The following RAB3IP variants were observed in gnomAD, a reference collection of about 807,000 sequenced individuals.
The protein encoded by RAB3IP is RAB3A interacting protein, also known as rab-3A-interacting protein.
A neutral mutation model predicts 59.1 loss-of-function variants in RAB3IP; 36 were observed. The ratio of observed to expected loss-of-function variants is 0.61; its 90% CI spans 0.47 to 0.80. The LOEUF is 0.80. RAB3IP is among the 30% of genes least tolerant of loss of function. The pLI is 0.00. For synonymous variants in RAB3IP, 207 were observed against 191.2 expected (o/e 1.08, Z -0.68); for missense variants, 511 against 536.0 (o/e 0.95, Z 0.46).
At chr12:69,773,407 T>C (rs1403462794) in intron 3 of RAB3IP, among the ~76,000 whole-genome samples, 3 of 135,634 alleles carry the variant, frequency 2.2e-5, no homozygotes, top group African/African-American at 8.2e-5. Flanking sequence ...TTCTTTTTTT[T>C]TTTTTTTTTT....
intron 6 of RAB3IP, among the ~76,000 whole-genome samples, chr12:69,797,326 G>GT (rs1355157791): frequency 1.3e-5 from 2 of 152,202 alleles, no homozygotes; most frequent in African/African-American, 2.4e-5. Flanking sequence ...GTCTTGCACA[G>GT]TTGTGAGGAT....
At chr12:69,794,942 A>T (rs1383333007) in intron 5 of RAB3IP, among the ~76,000 whole-genome samples, 199 bp from the exon 6 acceptor site, 2 of 152,216 alleles carry the variant, frequency 1.3e-5, no homozygotes, top group East Asian at 3.8e-4. Context: ...GGCTCATTTG[A>T]CGTTGTTAAT....
At chr12:69,771,283 C>T (rs1873064136) in intron 3 of RAB3IP, among the ~76,000 whole-genome samples, 1 of 152,176 alleles carries the variant, frequency 6.6e-6, no homozygotes, top group African/African-American at 2.4e-5. Context: ...GTAATCCCAG[C>T]ACTTTGGAAG....
At position 69,795,039 on chromosome 12, in the gene RAB3IP, T is replaced by G. The variant is rs554692195; in HGVS notation, c.685-102T>G. 38 of 845,748 alleles carry G rather than the reference T, an allele frequency of 4.5e-5. No homozygotes were observed. In the African/African-American group the frequency reaches 5.8e-4, roughly 13 times the overall value. 52.4% of individuals were successfully genotyped at this position (845,748 alleles called of 1,614,324 possible). On this transcript the variant is annotated intron_variant, in intron 5 of 10. Transcript: ENST00000247833. ...CTCCACAGGAAATACAAATTAAACT[T>G]ACTTTTCATCTTTGAAAGTGTTTTG...
At chr12:69,758,395 G>T (rs1415393464) in intron 3 of RAB3IP, among the ~76,000 whole-genome samples, 1 of 151,758 alleles carries the variant, frequency 6.6e-6, no homozygotes, top group African/African-American at 2.4e-5. Flanking sequence ...TTTCCCTTTT[G>T]TATCCTTTCT....
At chr12:69,769,277 C>A (rs1872727463) in intron 3 of RAB3IP, among the ~76,000 whole-genome samples, 1 of 152,142 alleles carries the variant, frequency 6.6e-6, no homozygotes, top group South Asian at 2.1e-4. Flanking sequence ...TGCTTTTGGT[C>A]CTGGATTTGG....
intron 8 of RAB3IP, among the ~76,000 whole-genome samples, chr12:69,808,455 T>G (rs1879837374): frequency 6.6e-6 from 1 of 152,236 alleles, no homozygotes; most frequent in Non-Finnish European, 1.5e-5. Context: ...TTGTTAACTT[T>G]CTGTCTCGTT....
chr12:69,800,715 A>T (rs1878243415), intron 7 of RAB3IP, among the ~76,000 whole-genome samples: 1 of 152,194 alleles, frequency 6.6e-6, no homozygotes, highest in African/African-American at 2.4e-5. Context: ...CTAATTTTTT[A>T]TCTTTAAAAC....
At chr12:69,797,480 T>TC (rs200242324) in intron 6 of RAB3IP, among the ~76,000 whole-genome samples, 37 of 127,766 alleles carry the variant, frequency 2.9e-4, no homozygotes, top group Non-Finnish European at 5.5e-4. Context: ...TTTCTTTCTT[T>TC]TTTTTTTTTT....
At chr12:69,788,591 A>G (rs1393848210) in intron 4 of RAB3IP, among the ~76,000 whole-genome samples, 2 of 152,158 alleles carry the variant, frequency 1.3e-5, no homozygotes, top group Non-Finnish European at 2.9e-5. Flanking sequence ...AGGCTGATAC[A>G]GTAATACATT....
intron 3 of RAB3IP, among the ~76,000 whole-genome samples, chr12:69,772,259 T>G (rs1433733182): frequency 1.3e-5 from 2 of 152,228 alleles, no homozygotes; most frequent in Non-Finnish European, 2.9e-5. Context: ...TTTTTCAATT[T>G]GCATTGAATG....
At chr12:69,767,328 A>T (rs898797219) in intron 3 of RAB3IP, among the ~76,000 whole-genome samples, 10 of 152,334 alleles carry the variant, frequency 6.6e-5, no homozygotes, top group South Asian at 4.1e-4. Context: ...TATTGATAAG[A>T]GTCAGCTGTA....
chr12:69,814,481 CT>C lies in RAB3IP; in HGVS notation c.1301-881del, dbSNP rs559800183. ...TAAATCTAAAGCAGAATTTCTCGAC[CT>C]TGGTACTAGTGACATTTTGAGCTGG... On this transcript the variant is annotated intron_variant, in intron 10 of 10. Coordinates refer to ENST00000247833, the MANE Select transcript of RAB3IP (RefSeq NM_022456.5). 3.6e-4 allele frequency among the ~76,000 whole-genome samples: 55 copies of C among 152,072 alleles called. No individual in the cohort carries two copies. In the South Asian group the frequency reaches 0.011, roughly 30 times the overall value.
intron 3 of RAB3IP, among the ~76,000 whole-genome samples, chr12:69,782,409 C>T (rs1374365032): frequency 6.6e-6 from 1 of 152,168 alleles, no homozygotes; most frequent in Non-Finnish European, 1.5e-5. Context: ...GTGATCCGCC[C>T]ACCTCAGCCT....
At chr12:69,775,354 G>A (rs1873736854) in intron 3 of RAB3IP, among the ~76,000 whole-genome samples, 1 of 141,836 alleles carries the variant, frequency 7.1e-6, no homozygotes, top group South Asian at 2.4e-4. Context: ...CATGTCATCT[G>A]CAAACAGGGA....
At chr12:69,747,935 A>G (rs1378554515) in intron 1 of RAB3IP, among the ~76,000 whole-genome samples, 5 of 152,208 alleles carry the variant, frequency 3.3e-5, no homozygotes, top group Non-Finnish European at 7.3e-5. Flanking sequence ...CTGTGTTGCC[A>G]TATTACCTCC....
intron 1 of RAB3IP, among the ~76,000 whole-genome samples, chr12:69,743,002 G>C (rs1208617169): frequency 2.0e-5 from 3 of 152,174 alleles, no homozygotes; most frequent in Non-Finnish European, 4.4e-5. Flanking sequence ...GATGCTTGTC[G>C]TTAACAGTAG....
At chr12:69,750,675 A>G (rs1592445445) in intron 1 of RAB3IP, among the ~76,000 whole-genome samples, 1 of 143,234 alleles carries the variant, frequency 7.0e-6, no homozygotes, top group African/African-American at 2.6e-5. Flanking sequence ...TCTCCTCTGT[A>G]TTTACTATAA....
intron 10 of RAB3IP, among the ~76,000 whole-genome samples, chr12:69,814,793 T>G (rs960589253): frequency 2.0e-5 from 3 of 152,188 alleles, no homozygotes; most frequent in African/African-American, 7.2e-5. Flanking sequence ...GTTTTTCCAC[T>G]TACAGTGGGA....
Sources: allele counts gnomAD v4.1 joint callset (sites outside exome capture counted in the v4.1 genomes callset), GRCh38; gene constraint gnomAD v4.1.1; transcripts MANE v1.5; gene names NCBI Gene and HGNC (gene_info 2026-07-23, HGNC 2026-07-21).